Variants in TRPM1 observed in about 807,000 individuals in gnomAD.
TRPM1 encodes TRPM1-203 APA Isoform, Intron 10.
A neutral mutation model predicts 149.4 loss-of-function variants in TRPM1; 113 were observed. That is an observed-to-expected ratio of 0.76 (90% confidence interval 0.65 to 0.88). The LOEUF (loss-of-function observed/expected upper bound fraction) is 0.88. TRPM1 is among the 40% of genes least tolerant of loss of function. The pLI, the probability that TRPM1 is intolerant of heterozygous loss-of-function variation, is 0.00. For synonymous variants in TRPM1, 741 were observed against 759.5 expected (o/e 0.98, Z 0.40); for missense variants, 1,976 against 2,038.7 (o/e 0.97, Z 0.59).
intron 15 of TRPM1, among the ~76,000 whole-genome samples, 160 bp from the exon 16 acceptor site, chr15:31,046,393 T>A (rs2140935592): frequency 6.6e-6 from 1 of 152,328 alleles, no homozygotes; most frequent in African/African-American, 2.4e-5. Flanking sequence ...AGTGCTTTAA[T>A]ATAGAAACTC....
At chr15:31,034,539 G>A (rs2033256033) in intron 21 of TRPM1, among the ~76,000 whole-genome samples, 1 of 152,224 alleles carries the variant, frequency 6.6e-6, no homozygotes, top group Non-Finnish European at 1.5e-5. Context: ...AGACTCCACA[G>A]TGTCCAGTCC....
chr15:31,009,721 T>C (rs927419685), intron 27 of TRPM1, among the ~76,000 whole-genome samples: 3 of 152,194 alleles, frequency 2.0e-5, no homozygotes, highest in Non-Finnish European at 4.4e-5. Context: ...GGCTTTGGGC[T>C]TTTTCTTTAG....
chr15:31,073,747 A>C (rs376175897), intron 3 of TRPM1, among the ~76,000 whole-genome samples: 1 of 152,072 alleles, frequency 6.6e-6, no homozygotes, highest in African/African-American at 2.4e-5. Context: ...AAAATGTTGA[A>C]TAGAAGTAGC....
At chr15:31,103,956 C>A (rs12906564), upstream of TRPM1, among the ~76,000 whole-genome samples, 54,953 of 151,942 alleles carry the variant, frequency 0.36, 10,697 homozygotes, top group East Asian at 0.8. Context: ...AAAAGGGGTT[C>A]TCACCAGACT....
chr15:31,031,296 TC>T, intron 22 of TRPM1, 139 bp from the exon 23 acceptor site: 2 of 926,124 alleles, frequency 2.2e-6, no homozygotes, highest in Non-Finnish European at 1.7e-6. Context: ...CTTCCTTTCT[TC>T]CCATCCCTGG....
intron 11 of TRPM1, among the ~76,000 whole-genome samples, chr15:31,050,885 T>C (rs1431428259): frequency 1.3e-5 from 2 of 152,196 alleles, no homozygotes. Context: ...TGCAGCGACT[T>C]TGCATACTTA....
intron 11 of TRPM1, among the ~76,000 whole-genome samples, chr15:31,055,947 A>G (rs2034071534): frequency 6.6e-6 from 1 of 152,376 alleles, no homozygotes; most frequent in East Asian, 1.9e-4. Flanking sequence ...GGAACAGAAG[A>G]TAACTTCAAA....
At chr15:31,005,703 G>A (rs1299335672) in intron 27 of TRPM1, among the ~76,000 whole-genome samples, 2 of 152,158 alleles carry the variant, frequency 1.3e-5, no homozygotes, top group Non-Finnish European at 2.9e-5. Flanking sequence ...TTTATAGTAC[G>A]TATGAAAGAA....
At chr15:31,113,712 G>A (rs988748771) in intron 1 of TRPM1, among the ~76,000 whole-genome samples, 1 of 152,116 alleles carries the variant, frequency 6.6e-6, no homozygotes, top group African/African-American at 2.4e-5. Context: ...GTTCATTCCG[G>A]TGGATTTCTG....
chr15:31,113,476 G>A (rs541749484), intron 1 of TRPM1, among the ~76,000 whole-genome samples: 9 of 151,790 alleles, frequency 5.9e-5, no homozygotes, highest in African/African-American at 9.7e-5. Flanking sequence ...ATAAAAATGG[G>A]TCAAACAATA....
At chr15:31,074,452 T>G (rs1396200126) in intron 3 of TRPM1, among the ~76,000 whole-genome samples, 1 of 152,072 alleles carries the variant, frequency 6.6e-6, no homozygotes, top group Non-Finnish European at 1.5e-5. Context: ...AATTTTCCCA[T>G]TTCATCTAAG....
chr15:31,160,116 T>C (rs1282295800), intron 1 of TRPM1, among the ~76,000 whole-genome samples: 10 of 152,108 alleles, frequency 6.6e-5, no homozygotes. Context: ...GCTTCCGGTG[T>C]GGTCTGGGCT....
chr15:31,081,241 C>T (rs1454180649), intron 2 of TRPM1, 112 bp downstream of exon 2: 1 of 772,856 alleles, frequency 1.3e-6, no homozygotes, highest in Non-Finnish European at 2.2e-6. Context: ...ATCCACTTCC[C>T]TCTGCTTCAC....
intron 27 of TRPM1, among the ~76,000 whole-genome samples, chr15:31,005,472 C>T (rs2031956018): frequency 6.6e-6 from 1 of 152,110 alleles, no homozygotes; most frequent in Admixed American, 6.5e-5. Context: ...CTCTCCCCTC[C>T]CCTCTGCATT....
chr15:31,155,695 G>A (rs2036363547), intron 1 of TRPM1, among the ~76,000 whole-genome samples: 1 of 152,124 alleles, frequency 6.6e-6, no homozygotes, highest in Non-Finnish European at 1.5e-5. Context: ...GAAGGAAGAA[G>A]GGAGAAAGGG....
chr15:31,049,306 A>G lies in TRPM1; in HGVS notation c.1572+69T>C, dbSNP rs2033870351. On this transcript the variant is annotated intron_variant, in intron 13 of 27. Transcript: ENST00000256552. ...GGTCAGATGAGCACATTTATGCACA[A>G]TATGCACCAGTGACAAACACATTTA... 3 of 1,609,878 alleles carry G rather than the reference A, an allele frequency of 1.9e-6. No homozygotes were observed. In the East Asian group the frequency reaches 6.7e-5, roughly 36 times the overall value.
Position 31,115,200 on chromosome 15 carries a change from G to A in TRPM1, c.55-38216C>T, listed in dbSNP as rs139902758. Among the ~76,000 whole-genome samples, 241 of 152,288 alleles carry A rather than the reference G, an allele frequency of 1.6e-3. 2 individuals carry two copies. Among genetic ancestry groups the A allele is most frequent in the African/African-American group, 5.6e-3 (233 of 41,550 alleles). On this transcript the variant is annotated intron_variant, in intron 1 of 26. Coordinates refer to the TRPM1 transcript ENST00000542188. ...CTGAACCCAGGAGGCGACCATGTCA[G>A]TGAGCCAAGATCGCGCCACTGCATT...
intron 1 of TRPM1, among the ~76,000 whole-genome samples, chr15:31,143,210 CTGAG>C (rs1290691832): frequency 1.3e-5 from 2 of 152,152 alleles, no homozygotes; most frequent in African/African-American, 4.8e-5. Context: ...TACTATTGGA[CTGAG>C]TAAGAAAGTC....
chr15:31,053,417 A>ATTTTTTTTTT, intron 11 of TRPM1, among the ~76,000 whole-genome samples: 1 of 140,364 alleles, frequency 7.1e-6, no homozygotes, highest in Non-Finnish European at 1.5e-5. Context: ...CTCCCGGCTC[A>ATTTTTTTTTT]TTTTTTTTTT....
Sources: allele counts gnomAD v4.1 joint callset (sites outside exome capture counted in the v4.1 genomes callset), GRCh38; gene constraint gnomAD v4.1.1; transcripts MANE v1.5; gene names NCBI Gene and HGNC (gene_info 2026-07-23, HGNC 2026-07-21).